The following RERE variants were observed in gnomAD, a reference collection of about 807,000 sequenced individuals.
The protein encoded by RERE is arginine-glutamic acid dipeptide repeats, also known as arginine-glutamic acid dipeptide repeats protein.
In RERE, 40 loss-of-function variants were observed where a neutral mutation model predicts 146.1. That is an observed-to-expected ratio of 0.27 (90% CI 0.21 to 0.36). RERE has a LOEUF of 0.36. RERE is among the 10% of genes least tolerant of loss of function. The pLI is 1.00. For missense variants in RERE, 1,933 were observed against 2,138.7 expected, an observed-to-expected ratio of 0.90 and a Z score of 1.90; for synonymous variants, 1,003 against 866.0, an observed-to-expected ratio of 1.16 and a Z score of -2.78.
At chr1:8,648,482 T>C (rs1454583769) in intron 2 of RERE, among the ~76,000 whole-genome samples, 1 of 152,108 alleles carries the variant, frequency 6.6e-6, no homozygotes, top group African/African-American at 2.4e-5. Context: ...CCTACCTACC[T>C]CCACCTCCCA....
At chr1:8,706,756 CTCT>C (rs991606484) in intron 1 of RERE, among the ~76,000 whole-genome samples, 6 of 152,108 alleles carry the variant, frequency 3.9e-5, no homozygotes, top group Non-Finnish European at 7.3e-5. Context: ...TTCGAAAGAG[CTCT>C]TTCCACCTAG....
intron 12 of RERE, among the ~76,000 whole-genome samples, chr1:8,402,569 T>TC (rs1643298928): frequency 6.6e-6 from 1 of 152,178 alleles, no homozygotes; most frequent in African/African-American, 2.4e-5. Context: ...ATCTTTGCAT[T>TC]CCCGGGATAA....
intron 11 of RERE, among the ~76,000 whole-genome samples, chr1:8,429,122 G>T (rs1644058813): frequency 6.6e-6 from 1 of 152,196 alleles, no homozygotes; most frequent in African/African-American, 2.4e-5. Context: ...GCCAGCCACT[G>T]TCTTAAAGGC....
At chr1:8,432,882 C>T (rs1048309712) in intron 11 of RERE, among the ~76,000 whole-genome samples, 5 of 152,160 alleles carry the variant, frequency 3.3e-5, no homozygotes, top group African/African-American at 9.7e-5. Context: ...ATTACTTGGA[C>T]TCTCAGTGCA....
At chr1:8,756,255 T>C (rs776614406) in intron 1 of RERE, among the ~76,000 whole-genome samples, 28 of 152,246 alleles carry the variant, frequency 1.8e-4, no homozygotes, top group Non-Finnish European at 2.5e-4. Flanking sequence ...AATTAGATCA[T>C]GGCTAACCAT....
At position 8,386,010 on chromosome 1, in the gene RERE, ATATATATATATATTTTTTTTTTT is replaced by A. The variant is rs1241951541; in HGVS notation, c.1285-20059_1285-20037del. On this transcript the variant is annotated intron_variant, in intron 12 of 22. Coordinates refer to ENST00000400908, the MANE Select transcript of RERE (RefSeq NM_001042681.2). ...AAAAAAAAAATATATATATATATAT[ATATATATATATATTTTTTTTTTT>A]TTTTTTTTTTTTTTTCTTGGTTCAC... Among the ~76,000 whole-genome samples the A allele has an allele frequency of 6.2e-3, 273 of 44,070 alleles. 4 individuals are homozygous for A. The highest frequency in any genetic ancestry group is 0.023 in the African/African-American group (264 of 11,326). 28.9% of individuals were successfully genotyped at this position (44,070 alleles called of 152,430 possible). A position where few individuals can be genotyped will look rare whatever the true frequency, so the allele number is the denominator to read the frequency against.
intron 1 of RERE, among the ~76,000 whole-genome samples, chr1:8,736,190 TTTGTTTG>T (rs752323696): frequency 3.0e-4 from 21 of 70,120 alleles, no homozygotes; most frequent in East Asian, 1.2e-3. Context: ...AAACCATCAG[TTTGTTTG>T]TTTGTTTGTT....
At chr1:8,531,964 G>A (rs1424028568) in intron 7 of RERE, among the ~76,000 whole-genome samples, 3 of 152,208 alleles carry the variant, frequency 2.0e-5, no homozygotes, top group African/African-American at 7.2e-5. Context: ...ATAAATGCTT[G>A]AGGGGGTGGA....
chr1:8,485,590 G>C (rs983439715), intron 10 of RERE, among the ~76,000 whole-genome samples: 1 of 152,024 alleles, frequency 6.6e-6, no homozygotes, highest in Non-Finnish European at 1.5e-5. Context: ...AAGAAAACTA[G>C]AGTGGCTGTA....
chr1:8,498,732 T>TATACACACACACACAC (rs150497092), intron 8 of RERE, among the ~76,000 whole-genome samples: 2,066 of 107,710 alleles, frequency 0.019, 61 homozygotes, highest in Non-Finnish European at 0.023. Flanking sequence ...AATAAATATA[T>TATACACACACACACAC]ACACACACAC....
Position 8,592,266 on chromosome 1 carries a change from C to CT in RERE, c.522+22294dup, listed in dbSNP as rs898775797. 3.3e-5 allele frequency among the ~76,000 whole-genome samples: 5 copies of CT among 151,632 alleles called. No homozygotes were observed. In the South Asian group the frequency reaches 6.3e-4, roughly 19 times the overall value. On this transcript the variant is annotated intron_variant, in intron 4 of 22. Coordinates refer to ENST00000400908, the MANE Select transcript of RERE (RefSeq NM_001042681.2). ...TGCCCTTCCAAACCAGCAAAAGGTA[C>CT]TTTTTTTTTCTTTTTTAAAGACACC...
intron 1 of RERE, among the ~76,000 whole-genome samples, chr1:8,674,164 T>G (rs1638782576): frequency 6.6e-6 from 1 of 152,170 alleles, no homozygotes; most frequent in Admixed American, 6.5e-5. Context: ...AATGCAAGCT[T>G]TCATTAAATA....
intron 12 of RERE, among the ~76,000 whole-genome samples, chr1:8,395,262 T>C (rs960575471): frequency 6.6e-6 from 1 of 151,962 alleles, no homozygotes; most frequent in Admixed American, 6.6e-5. Context: ...GATCACAAGG[T>C]CAGGAGTTCA....
intron 1 of RERE, among the ~76,000 whole-genome samples, chr1:8,715,951 C>T (rs1639755468): frequency 6.6e-6 from 1 of 151,984 alleles, no homozygotes; most frequent in Non-Finnish European, 1.5e-5. Context: ...TTAAATTACT[C>T]ATTGGGTAAA....
intron 12 of RERE, among the ~76,000 whole-genome samples, chr1:8,389,488 G>C (rs979052381): frequency 3.3e-5 from 5 of 152,124 alleles, no homozygotes; most frequent in African/African-American, 2.4e-5. Flanking sequence ...CCCTACTTTA[G>C]GGAATCCCAG....
At chr1:8,612,497 C>T (rs1411319862) in intron 4 of RERE, among the ~76,000 whole-genome samples, 2 of 152,156 alleles carry the variant, frequency 1.3e-5, no homozygotes, top group Non-Finnish European at 2.9e-5. Flanking sequence ...TACCCAAGTG[C>T]TCCACCAGTC....
intron 1 of RERE, among the ~76,000 whole-genome samples, chr1:8,676,817 T>C (rs1368386279): frequency 6.6e-6 from 1 of 152,220 alleles, no homozygotes; most frequent in East Asian, 1.9e-4. Context: ...TGTGAATCTT[T>C]TTCTCCATTC....
At chr1:8,486,630 A>G (rs2124200317) in intron 10 of RERE, among the ~76,000 whole-genome samples, 1 of 152,110 alleles carries the variant, frequency 6.6e-6, no homozygotes, top group South Asian at 2.1e-4. Flanking sequence ...ACAGAAACCA[A>G]TGAAATATAA....
intron 4 of RERE, among the ~76,000 whole-genome samples, chr1:8,606,711 G>C (rs1404142623): frequency 6.6e-6 from 1 of 152,010 alleles, no homozygotes; most frequent in African/African-American, 2.4e-5. Context: ...CATGTTTCTT[G>C]AAAATAGGTT....
Sources: gnomAD v4.1 joint callset for allele counts (sites outside exome capture counted in the v4.1 genomes callset) on GRCh38, gnomAD v4.1.1 for gene constraint, MANE v1.5 for transcripts, NCBI Gene and HGNC (gene_info 2026-07-23, HGNC 2026-07-21) for gene names.